FAM220A: variants seen among roughly 807,000 people sequenced by gnomAD.
FAM220A encodes protein FAM220A.
For synonymous variants in FAM220A, 141 were observed against 130.7 expected (o/e 1.08, Z -0.54); for missense variants, 392 against 321.6 (o/e 1.22, Z -1.68).
At chr7:6,340,394 T>G (rs1353624943) in intron 1 of FAM220A, among the ~76,000 whole-genome samples, 1 of 152,122 alleles carries the variant, frequency 6.6e-6, no homozygotes, top group African/African-American at 2.4e-5. Flanking sequence ...AAGCGACCAC[T>G]GCATGTGTGT....
intron 1 of FAM220A, among the ~76,000 whole-genome samples, chr7:6,342,310 C>T (rs1202620448): frequency 1.3e-5 from 2 of 151,806 alleles, no homozygotes; most frequent in African/African-American, 2.4e-5. Flanking sequence ...TCTGGGAGGC[C>T]GAGGCAGGTG....
intron 1 of FAM220A, among the ~76,000 whole-genome samples, chr7:6,343,234 G>T (rs1341131581): frequency 1.3e-5 from 2 of 150,158 alleles, no homozygotes; most frequent in African/African-American, 4.9e-5. Context: ...ATAATTAGCT[G>T]GGCGTGGTAC....
chr7:6,339,614 G>A (rs969162439), intron 1 of FAM220A, among the ~76,000 whole-genome samples: 1 of 151,834 alleles, frequency 6.6e-6, no homozygotes, highest in African/African-American at 2.4e-5. Flanking sequence ...CTCCGGAGTA[G>A]CTGGGACTAC....
chr7:6,339,770 C>G (rs1335310063), intron 1 of FAM220A, among the ~76,000 whole-genome samples: 1 of 151,938 alleles, frequency 6.6e-6, no homozygotes, highest in Non-Finnish European at 1.5e-5. Context: ...TGTGCCCAGC[C>G]GTACCCCTCT....
rs182128278 is a variant in FAM220A at position 6,342,284 on chromosome 7, C to T, written c.-82+6289G>A. On this transcript the variant is annotated intron_variant, in intron 1 of 1. Transcript: ENST00000313324. ...TCTAGGCTGGGTGCGGTGGCTCACACCTGTAATCCCAGCACTCTGGGAGGC... is the reference window on the plus strand; with the variant it reads ...TCTAGGCTGGGTGCGGTGGCTCACATCTGTAATCCCAGCACTCTGGGAGGC... Among the ~76,000 whole-genome samples the T allele has an allele frequency of 2.8e-4, 42 of 152,162 alleles. No homozygotes were observed. The East Asian group carries it at 6.4e-3, about 23-fold the overall frequency.
chr7:6,348,784 C>CCCCG lies in FAM220A; in HGVS notation c.-297_-294dup, dbSNP rs1272729082. The CCCCG allele has an allele frequency of 2.5e-6, 1 of 397,492 alleles. No individual in the cohort carries two copies. The highest frequency in any genetic ancestry group is 4.4e-6 in the Non-Finnish European group (1 of 225,274). 24.6% of individuals were successfully genotyped at this position (397,492 alleles called of 1,614,324 possible). ...ATAGAGACCGGCGCTCCCACAGCCCCCCCGCCCGCCCTCTCCGCGCCGCGT... is the reference window on the plus strand; with the variant it reads ...ATAGAGACCGGCGCTCCCACAGCCCCCCCGCCCGCCCGCCCTCTCCGCGCCGCGT... On this transcript the variant is annotated 5_prime_UTR_variant, in exon 1 of 2. Coordinates refer to ENST00000313324, the MANE Select transcript of FAM220A (RefSeq NM_001037163.2).
chr7:6,330,530 T>C lies in FAM220A; in HGVS notation c.625A>G (p.Lys209Glu), dbSNP rs563442989. The stretch of plus-strand genomic sequence containing the variant: ...TTTAAACGGTCAAGGAAAATGCGTT[T>C]TGTCTCCTCACTCAGGAGCACTTCG... ...YPEVLLSEET[K>E]RIFLDRLKPM... Residue 209 changes from lysine to glutamate, a missense_variant, in exon 2 of 2, where the codon AAA (lysine) becomes GAA (glutamate). Physicochemically the swap from Lys to Glu is moderately conservative, Grantham distance 56. Transcript: ENST00000313324. 1.9e-6 allele frequency: 3 copies of C among 1,614,174 alleles called. No homozygotes were observed. Among genetic ancestry groups the C allele is most frequent in the African/African-American group, 2.7e-5 (2 of 75,034 alleles).
At chr7:6,346,618 C>T (rs1024262668) in intron 1 of FAM220A, among the ~76,000 whole-genome samples, 1 of 152,090 alleles carries the variant, frequency 6.6e-6, no homozygotes, top group Non-Finnish European at 1.5e-5. Flanking sequence ...TGAGCTTAAG[C>T]GACGCAGACA....
intron 1 of FAM220A, among the ~76,000 whole-genome samples, chr7:6,333,975 T>G (rs867059431): frequency 6.6e-6 from 1 of 150,822 alleles, no homozygotes; most frequent in Non-Finnish European, 1.5e-5. Flanking sequence ...GCCTCCCAAG[T>G]AGCTGGGACT....
intron 1 of FAM220A, among the ~76,000 whole-genome samples, chr7:6,346,775 AC>A (rs1781958151): frequency 6.6e-6 from 1 of 152,120 alleles, no homozygotes; most frequent in Admixed American, 6.6e-5. Context: ...AAGACCTGCT[AC>A]TGGGACAATC....
chr7:6,333,840 CT>C (rs904989717), intron 1 of FAM220A, among the ~76,000 whole-genome samples: 488 of 96,834 alleles, frequency 5.0e-3, no homozygotes, highest in African/African-American at 6.4e-3. Flanking sequence ...CTCCTGGCCT[CT>C]TTTTTTTTTT....
At chr7:6,348,182 A>G (rs1360787250) in intron 1 of FAM220A, among the ~76,000 whole-genome samples, 1 of 148,628 alleles carries the variant, frequency 6.7e-6, no homozygotes, top group African/African-American at 2.5e-5. Flanking sequence ...AGTGCATTAC[A>G]GGAGTAAGCC....
intron 1 of FAM220A, among the ~76,000 whole-genome samples, chr7:6,333,791 G>C (rs1309194097): frequency 1.4e-5 from 2 of 143,890 alleles, no homozygotes; most frequent in Non-Finnish European, 3.0e-5. Context: ...TTTTTTAATA[G>C]AGACAGGGTC....
At chr7:6,344,707 C>A (rs73060723) in intron 1 of FAM220A, among the ~76,000 whole-genome samples, 2 of 152,028 alleles carry the variant, frequency 1.3e-5, no homozygotes, top group Non-Finnish European at 2.9e-5. Context: ...GGTTGAGTCA[C>A]GGCACCTGGC....
chr7:6,340,398 T>A (rs1781829162), intron 1 of FAM220A, among the ~76,000 whole-genome samples: 1 of 152,082 alleles, frequency 6.6e-6, no homozygotes, highest in Non-Finnish European at 1.5e-5. Flanking sequence ...GACCACTGCA[T>A]GTGTGTACAG....
chr7:6,332,090 C>T (rs1318815891), intron 1 of FAM220A, among the ~76,000 whole-genome samples: 19 of 144,278 alleles, frequency 1.3e-4, no homozygotes, highest in Non-Finnish European at 2.7e-4. Flanking sequence ...CCAGCCTGGG[C>T]GACAGCTAGA....
intron 1 of FAM220A, among the ~76,000 whole-genome samples, chr7:6,331,469 A>T (rs10951979): frequency 0.61 from 93,091 of 151,540 alleles, 30,492 homozygotes; most frequent in East Asian, 0.9. Context: ...AGCCGTATTA[A>T]GGTTTTTGTT....
At chr7:6,335,737 A>T (rs1781730724) in intron 1 of FAM220A, among the ~76,000 whole-genome samples, 1 of 152,076 alleles carries the variant, frequency 6.6e-6, no homozygotes, top group African/African-American at 2.4e-5. Flanking sequence ...TAATTCACTA[A>T]AATATATTTG....
chr7:6,336,087 C>T (rs955572764), intron 1 of FAM220A, among the ~76,000 whole-genome samples: 20 of 150,774 alleles, frequency 1.3e-4, no homozygotes, highest in East Asian at 1.9e-4. Flanking sequence ...GCAGGACAAT[C>T]GTTTGAACCT....
Sources: allele counts gnomAD v4.1 joint callset (sites outside exome capture counted in the v4.1 genomes callset), GRCh38; gene constraint gnomAD v4.1.1; transcripts MANE v1.5; gene names NCBI Gene and HGNC (gene_info 2026-07-23, HGNC 2026-07-21).